VAV2: variants seen among roughly 807,000 people sequenced by gnomAD.
The protein encoded by VAV2 is guanine nucleotide exchange factor VAV2.
In VAV2, 67 loss-of-function variants were observed where a neutral mutation model predicts 132.5. The observed-to-expected ratio is 0.51, with a 90% CI of 0.42 to 0.62. VAV2 has a LOEUF of 0.62. Ranked by LOEUF, VAV2 falls within the 20% of genes least tolerant of loss-of-function variation. The pLI is 0.00. For synonymous variants in VAV2, 492 were observed against 443.5 expected, an observed-to-expected ratio of 1.11 and a Z score of -1.37; for missense variants, 938 against 1,153.6, an observed-to-expected ratio of 0.81 and a Z score of 2.71.
At chr9:133,905,515 C>T (rs1839618153) in intron 2 of VAV2, among the ~76,000 whole-genome samples, 1 of 152,102 alleles carries the variant, frequency 6.6e-6, no homozygotes. Flanking sequence ...ATGATGCCAT[C>T]CTGAGCCCAA....
chr9:133,936,720 C>A (rs1358945568), intron 2 of VAV2, among the ~76,000 whole-genome samples: 3 of 152,324 alleles, frequency 2.0e-5, no homozygotes, highest in African/African-American at 7.2e-5. Flanking sequence ...GCCCGGGGGT[C>A]TGCACGGTGA....
At chr9:133,938,890 C>G (rs1841026088) in intron 2 of VAV2, among the ~76,000 whole-genome samples, 1 of 152,196 alleles carries the variant, frequency 6.6e-6, no homozygotes, top group South Asian at 2.1e-4. Context: ...AGGGGCCATC[C>G]CGTTGTCCCA....
Position 133,934,698 on chromosome 9 carries a change from C to T in VAV2, c.321+4405G>A, listed in dbSNP as rs944041149. ...GACTGAAGATCACACCATTGCTTCC[C>T]TGGTTCTGAGGCTTTGGGACTGGGG... On this transcript the variant is annotated intron_variant, in intron 2 of 29. Transcript: ENST00000371850. Among the ~76,000 whole-genome samples the T allele has an allele frequency of 1.1e-4, 17 of 152,238 alleles. 1 individual carries two copies. The highest frequency in any genetic ancestry group is 6.5e-5 in the Admixed American group (1 of 15,286).
At chr9:133,915,802 C>T (rs1220376229) in intron 2 of VAV2, among the ~76,000 whole-genome samples, 2 of 133,514 alleles carry the variant, frequency 1.5e-5, no homozygotes, top group Non-Finnish European at 1.6e-5. Flanking sequence ...CATGTACACA[C>T]GATGCACACA....
intron 1 of VAV2, among the ~76,000 whole-genome samples, chr9:133,947,240 T>C (rs1239835725): frequency 1.3e-5 from 2 of 152,182 alleles, no homozygotes; most frequent in Non-Finnish European, 2.9e-5. Context: ...CGACCCCTTA[T>C]TCCTGCACAC....
At chr9:133,774,914 G>C (rs201686393) in intron 25 of VAV2, 21 bp downstream of exon 25, 2 of 1,602,500 alleles carry the variant, frequency 1.2e-6, no homozygotes, top group African/African-American at 1.3e-5. Context: ...GGGTCTCCTC[G>C]AGCCCAGAGC....
chr9:133,789,490 A>C, intron 13 of VAV2, 147 bp from the exon 14 acceptor site: 1 of 720,604 alleles, frequency 1.4e-6, no homozygotes, highest in Non-Finnish European at 2.4e-6. Context: ...TGTGGCTCCC[A>C]GCTGGTGCTC....
Position 133,764,124 on chromosome 9 carries a change from A to G in VAV2, c.2590-15T>C, listed in dbSNP as rs761535533. 12 of 1,597,258 alleles carry G rather than the reference A, an allele frequency of 7.5e-6. No individual in the cohort carries two copies. The highest frequency in any genetic ancestry group is 1.0e-5 in the Non-Finnish European group (12 of 1,171,356). On this transcript the variant is annotated splice_polypyrimidine_tract_variant and intron_variant, in intron 29 of 29. Coordinates refer to ENST00000371850, the MANE Select transcript of VAV2 (RefSeq NM_001134398.2). ...AACCAGCCAATCTGAAAAAGATGGT[A>G]AGATCGTGTCTGTGTGTGTGTGTGT...
intron 1 of VAV2, among the ~76,000 whole-genome samples, chr9:133,980,185 C>A (rs147359854): frequency 6.6e-6 from 1 of 152,338 alleles, no homozygotes; most frequent in African/African-American, 2.4e-5. Flanking sequence ...CAACCTCCCA[C>A]CAACCCAAGG....
intron 2 of VAV2, among the ~76,000 whole-genome samples, chr9:133,927,572 C>T (rs1241499278): frequency 2.0e-5 from 3 of 152,182 alleles, no homozygotes; most frequent in Non-Finnish European, 4.4e-5. Context: ...CTTGGCCACA[C>T]ACCCACACCC....
At chr9:133,841,949 T>C (rs996748096) in intron 3 of VAV2, among the ~76,000 whole-genome samples, 6 of 143,006 alleles carry the variant, frequency 4.2e-5, no homozygotes, top group Admixed American at 2.0e-4. Context: ...TGGATCACAA[T>C]TGGAAAAGCG....
chr9:133,763,358 G>C lies in VAV2; in HGVS notation c.*704C>G, dbSNP rs1168805830. The C allele has an allele frequency of 6.6e-6, 1 of 152,218 alleles. No homozygotes were observed. The highest frequency in any genetic ancestry group is 1.5e-5 in the Non-Finnish European group (1 of 68,058). The allele number at this position is 152,218 out of a possible 1,614,324, so 9.4% of individuals were successfully genotyped here. A position where few individuals can be genotyped will look rare whatever the true frequency, so the allele number is the denominator to read the frequency against. On this transcript the variant is annotated 3_prime_UTR_variant, in exon 30 of 30. Transcript: ENST00000371850. This position sits in a 1 kb window ranked among gnomAD's most constrained non-coding sequence, Gnocchi z 6.8. ...TACCGCTGACCGGGCAGCAGGGTTG[G>C]AATTTCATCATTCCAAAGGCCCCTC...
At position 133,778,749 on chromosome 9, in the gene VAV2, C is replaced by T. The variant is rs1588162428; in HGVS notation, c.1890+13G>A. On this transcript the variant is annotated intron_variant, in intron 22 of 29. Transcript: ENST00000371850. Reference sequence around the variant, plus strand: ...GCCGGGGACCCTCGACCCTCCCGGGCCCCAGGACCCACCTCCCACCACGGA... The same window carrying T: ...GCCGGGGACCCTCGACCCTCCCGGGTCCCAGGACCCACCTCCCACCACGGA... The T allele has an allele frequency of 6.2e-7, 1 of 1,611,562 alleles. No individual in the cohort carries two copies. The highest frequency in any genetic ancestry group is 1.3e-5 in the African/African-American group (1 of 75,042).
intron 2 of VAV2, among the ~76,000 whole-genome samples, chr9:133,899,984 G>A (rs1839373320): frequency 6.7e-6 from 1 of 149,404 alleles, no homozygotes; most frequent in Admixed American, 6.7e-5. Context: ...TTGCACCACT[G>A]CACTCCAGCC....
At chr9:133,874,854 G>A (rs150730585) in intron 2 of VAV2, among the ~76,000 whole-genome samples, 2,601 of 152,298 alleles carry the variant, frequency 0.017, 26 homozygotes, top group Middle Eastern at 0.034. Flanking sequence ...GTCCAGGCAG[G>A]AAGTGGGGCG....
intron 5 of VAV2, 106 bp downstream of exon 5, chr9:133,812,007 CT>C (rs1835374299): frequency 8.5e-7 from 1 of 1,174,310 alleles, no homozygotes; most frequent in Non-Finnish European, 1.2e-6. Context: ...AGCAGCTCCC[CT>C]TCGGTGGCTC....
intron 4 of VAV2, among the ~76,000 whole-genome samples, chr9:133,828,403 G>A (rs1473454759): frequency 0.016 from 43 of 2,618 alleles, 15 homozygotes; most frequent in Admixed American, 0.042. Context: ...ACCACTGAGT[G>A]GGGGCATCAC....
At position 133,811,781 on chromosome 9, in the gene VAV2, C is replaced by T. The variant is rs543600338; in HGVS notation, c.552+333G>A. On this transcript the variant is annotated intron_variant, in intron 5 of 29. Coordinates refer to ENST00000371850, the MANE Select transcript of VAV2 (RefSeq NM_001134398.2). ...TCCCTGGGCAGGAACAACTGAGGGG[C>T]CTGCAAGCCCTTGGAAGGAGAATCC... is the stretch of plus-strand genomic sequence containing the variant. Among the ~76,000 whole-genome samples the T allele has an allele frequency of 5.3e-4, 80 of 152,306 alleles. 2 individuals are homozygous for T. In the South Asian group the frequency reaches 0.014, roughly 27 times the overall value.
rs1200348794 is a variant in VAV2 at position 133,863,009 on chromosome 9, T to C, written c.322-1577A>G. Reference sequence around the variant, plus strand: ...TGGAAGGACAGGGTCCTTCTGTGCTTCCTCACACAAGACTCGATGGGCCCA... The same window carrying C: ...TGGAAGGACAGGGTCCTTCTGTGCTCCCTCACACAAGACTCGATGGGCCCA... On this transcript the variant is annotated intron_variant, in intron 2 of 29. Transcript: ENST00000371850. The surrounding 1 kb of genome is among the most constrained non-coding windows in gnomAD (Gnocchi z 5.0). Among the ~76,000 whole-genome samples, 2 of 152,114 alleles carry C rather than the reference T, an allele frequency of 1.3e-5. No homozygotes were observed. The highest frequency in any genetic ancestry group is 2.9e-5 in the Non-Finnish European group (2 of 68,022).
Sources: gnomAD v4.1 joint callset for allele counts (sites outside exome capture counted in the v4.1 genomes callset) on GRCh38, gnomAD v4.1.1 for gene constraint, Gnocchi (gnomAD v3.1) non-coding constraint, MANE v1.5 for transcripts, NCBI Gene and HGNC (gene_info 2026-07-23, HGNC 2026-07-21) for gene names.